Variants in PCDHA3 observed in about 807,000 individuals in gnomAD.
PCDHA3 encodes the protein protocadherin alpha-3.
A neutral mutation model predicts 62.2 loss-of-function variants in PCDHA3; 41 were observed. The observed-to-expected ratio is 0.66, with a 90% CI of 0.51 to 0.86. The LOEUF (loss-of-function observed/expected upper bound fraction) is 0.86, where lower values mean the gene tolerates loss of function less well. Among genes scored for constraint, PCDHA3 ranks in the 40% least tolerant of loss-of-function variants. PCDHA3 has a pLI of 0.00. For missense variants in PCDHA3, 1,304 were observed against 1,241.2 expected, an observed-to-expected ratio of 1.05 and a Z score of -0.76; for synonymous variants, 640 against 555.4, an observed-to-expected ratio of 1.15 and a Z score of -2.14.
intron 1 of PCDHA3, among the ~76,000 whole-genome samples, chr5:140,917,270 T>C (rs782142831): frequency 2.6e-5 from 4 of 151,228 alleles, no homozygotes; most frequent in Admixed American, 6.6e-5. Context: ...GTTTGGTTTT[T>C]GTAATGACGC....
intron 1 of PCDHA3, chr5:140,824,613 T>TG (rs1768224029): frequency 8.2e-6 from 1 of 122,680 alleles, no homozygotes; most frequent in East Asian, 2.1e-4. Flanking sequence ...AATTAAAGTT[T>TG]TTTTTTTTTT....
At position 140,802,113 on chromosome 5, in the gene PCDHA3, G is replaced by A; in HGVS notation, c.916G>A (p.Gly306Ser). The change falls in exon 1 of 4, where the codon GGT becomes AGT. Residue 306 changes from glycine to serine, a missense_variant. By Grantham distance (56) the Gly-to-Ser change is moderately conservative. Coordinates refer to ENST00000522353, the MANE Select transcript of PCDHA3 (RefSeq NM_018906.3). Reference sequence around the variant, plus strand: ...AGTCAATGGACAAATCAGTGTAAAGGGTAACATAGATTTCGAGGAAAGTAA... The same window carrying A: ...AGTCAATGGACAAATCAGTGTAAAGAGTAACATAGATTTCGAGGAAAGTAA... ...DPVNGQISVK[G>S]NIDFEESKSY... 1 of 1,614,186 alleles carries A rather than the reference G, an allele frequency of 6.2e-7. No individual in the cohort carries two copies. Among genetic ancestry groups the A allele is most frequent in the Non-Finnish European group, 8.5e-7 (1 of 1,180,036 alleles).
At chr5:140,842,605 G>T (rs1198033528) in intron 1 of PCDHA3, 2 of 1,550,578 alleles carry the variant, frequency 1.3e-6, no homozygotes, top group African/African-American at 2.9e-5. Context: ...TAACCGCGCG[G>T]GACGGGGGCT....
At chr5:140,992,606 G>A (rs1554253052) in intron 3 of PCDHA3, among the ~76,000 whole-genome samples, 1 of 152,188 alleles carries the variant, frequency 6.6e-6, no homozygotes. Flanking sequence ...CTGTGTCTAA[G>A]TGAAAGCAGA....
At chr5:140,854,159 C>CAAAAAA (rs59855104) in intron 1 of PCDHA3, 412 of 341,018 alleles carry the variant, frequency 1.2e-3, no homozygotes, top group Non-Finnish European at 1.4e-3. Flanking sequence ...GATTCTGTCT[C>CAAAAAA]AAAAAAAAAA....
intron 1 of PCDHA3, chr5:140,836,227 C>G: frequency 6.2e-7 from 1 of 1,613,736 alleles, no homozygotes; most frequent in African/African-American, 1.3e-5. Context: ...CAACCGGTGG[C>G]GGCCGGTGCG....
chr5:140,836,580 A>C (rs2150264588), intron 1 of PCDHA3: 1 of 1,613,664 alleles, frequency 6.2e-7, no homozygotes, highest in Non-Finnish European at 8.5e-7. Flanking sequence ...GGGCGCATGT[A>C]GTTTGGTAAA....
chr5:140,891,409 C>A (rs1295005747), intron 1 of PCDHA3, among the ~76,000 whole-genome samples: 1 of 148,202 alleles, frequency 6.7e-6, no homozygotes. Flanking sequence ...CGCCACCCCC[C>A]ACTCTTGCCC....
In PCDHA3 at chr5:140,961,349, T is replaced by C. The variant is rs1352312577; in HGVS notation, c.2395-17600T>C. Among the ~76,000 whole-genome samples the C allele has an allele frequency of 2.0e-5, 3 of 152,204 alleles. No individual in the cohort carries two copies. The East Asian group carries it at 5.8e-4, about 29-fold the overall frequency. On this transcript the variant is annotated intron_variant, in intron 1 of 3. Coordinates refer to ENST00000522353, the MANE Select transcript of PCDHA3 (RefSeq NM_018906.3). Reference sequence around the variant, plus strand: ...TTGAGAGACCAAGAGTGGATCCCTGTAGTCCCCATTAGAATTCTCCTTCTA... The same window carrying C: ...TTGAGAGACCAAGAGTGGATCCCTGCAGTCCCCATTAGAATTCTCCTTCTA...
At chr5:140,830,772 A>G in intron 1 of PCDHA3, 1 of 169,878 alleles carries the variant, frequency 5.9e-6, no homozygotes, top group Non-Finnish European at 1.2e-5. Flanking sequence ...GAATCATAGT[A>G]GCATTTTTTT....
intron 1 of PCDHA3, among the ~76,000 whole-genome samples, chr5:140,919,377 A>G (rs2079104195): frequency 1.3e-5 from 2 of 152,208 alleles, no homozygotes; most frequent in Non-Finnish European, 2.9e-5. Context: ...CAGACAACAC[A>G]TAGTTGGATG....
At chr5:140,857,029 A>C in intron 1 of PCDHA3, 1 of 1,596,504 alleles carries the variant, frequency 6.3e-7, no homozygotes, top group South Asian at 1.1e-5. Flanking sequence ...AGGGAAACCC[A>C]CCTATGGTTG....
intron 1 of PCDHA3, among the ~76,000 whole-genome samples, chr5:140,978,203 C>T (rs1231262283): frequency 6.6e-6 from 1 of 152,178 alleles, no homozygotes; most frequent in East Asian, 1.9e-4. Context: ...CAATACACAA[C>T]TAATGCAAAA....
At chr5:140,826,575 C>T (rs1208730445) in intron 1 of PCDHA3, among the ~76,000 whole-genome samples, 1 of 152,054 alleles carries the variant, frequency 6.6e-6, no homozygotes, top group Admixed American at 6.5e-5. Context: ...GGTTTAATCA[C>T]TTCAAATGGA....
At chr5:140,837,048 T>A (rs1774890519) in intron 1 of PCDHA3, 1 of 199,144 alleles carries the variant, frequency 5.0e-6, no homozygotes. Flanking sequence ...ATCAAATATT[T>A]ACATTTCCAT....
chr5:140,841,503 C>T (rs2150316766), intron 1 of PCDHA3: 3 of 1,613,300 alleles, frequency 1.9e-6, no homozygotes, highest in African/African-American at 1.3e-5. Context: ...GAGCTGGTGC[C>T]GCGCCTGTTC....
intron 1 of PCDHA3, chr5:140,852,727 G>C: frequency 1.0e-6 from 1 of 983,528 alleles, no homozygotes; most frequent in South Asian, 4.8e-5. Flanking sequence ...CGTTTTTCAA[G>C]TTTCATGTGC....
intron 1 of PCDHA3, chr5:140,863,121 G>C (rs1554157790): frequency 1.7e-6 from 1 of 592,122 alleles, no homozygotes; most frequent in South Asian, 1.4e-5. Flanking sequence ...CGAAAGCTAC[G>C]CGCCACCGCC....
intron 1 of PCDHA3, among the ~76,000 whole-genome samples, chr5:140,838,347 A>G (rs2150288220): frequency 2.7e-5 from 4 of 150,406 alleles, no homozygotes; most frequent in Non-Finnish European, 4.4e-5. Context: ...TGGTCTCGAA[A>G]TCTGGGACTC....
Sources: gnomAD v4.1 joint callset for allele counts (sites outside exome capture counted in the v4.1 genomes callset) on GRCh38, gnomAD v4.1.1 for gene constraint, MANE v1.5 for transcripts, NCBI Gene and HGNC (gene_info 2026-07-23, HGNC 2026-07-21) for gene names.